The following CFTR variants were observed in gnomAD, a reference collection of about 807,000 sequenced individuals.
CFTR encodes cystic fibrosis transmembrane conductance regulator.
A neutral mutation model predicts 171.6 loss-of-function variants in CFTR; 181 were observed. That is an observed-to-expected ratio of 1.05 (90% CI 0.93 to 1.19). The LOEUF (loss-of-function observed/expected upper bound fraction) is 1.19. Among genes scored for constraint, CFTR ranks in the 50% most tolerant of loss-of-function variants. The pLI, the probability that CFTR is intolerant of heterozygous loss-of-function variation, is 0.00. For missense variants in CFTR, 1,968 were observed against 1,734.7 expected (o/e 1.13, Z -2.39); for synonymous variants, 583 against 608.0 (o/e 0.96, Z 0.60).
chr7:117,597,130 A>G (rs903573503), intron 15 of CFTR, among the ~76,000 whole-genome samples: 1 of 152,188 alleles, frequency 6.6e-6, no homozygotes, highest in Non-Finnish European at 1.5e-5. Context: ...GTTCTTTGCA[A>G]TAAATTTTGC....
chr7:117,591,205 A>T (rs1330529077), intron 13 of CFTR, among the ~76,000 whole-genome samples: 2 of 152,100 alleles, frequency 1.3e-5, no homozygotes, highest in Admixed American at 1.3e-4. Context: ...CAACCCTGAG[A>T]TTGTGAAAAG....
intron 9 of CFTR, among the ~76,000 whole-genome samples, chr7:117,543,826 T>A (rs1232250127): frequency 6.6e-6 from 1 of 152,224 alleles, no homozygotes; most frequent in East Asian, 1.9e-4. Context: ...TGTTTGCGAC[T>A]TCAACGTCCA....
chr7:117,617,280 CT>C (rs753988390), intron 21 of CFTR, among the ~76,000 whole-genome samples: 847 of 140,720 alleles, frequency 6.0e-3, no homozygotes, highest in Non-Finnish European at 6.2e-3. Context: ...GACAGTGTGG[CT>C]TTTTTTTTTT....
intron 11 of CFTR, among the ~76,000 whole-genome samples, chr7:117,569,803 C>A (rs944255082): frequency 6.6e-6 from 1 of 151,998 alleles, no homozygotes; most frequent in African/African-American, 2.4e-5. Context: ...GGAAGTTGAG[C>A]GAATTCATAT....
At chr7:117,589,773 G>T (rs547078948) in intron 12 of CFTR, among the ~76,000 whole-genome samples, 2 of 152,092 alleles carry the variant, frequency 1.3e-5, no homozygotes, top group South Asian at 4.2e-4. Flanking sequence ...CTATCAATTT[G>T]TTGATAGTGG....
At chr7:117,610,450 C>A in intron 18 of CFTR, 69 bp from the exon 19 acceptor site, 10 of 1,287,630 alleles carry the variant, frequency 7.8e-6, no homozygotes, top group Non-Finnish European at 1.1e-5. Flanking sequence ...AAATAAATCA[C>A]TGACACACTT....
intron 1 of CFTR, among the ~76,000 whole-genome samples, chr7:117,498,084 C>T: frequency 6.6e-6 from 1 of 151,956 alleles, no homozygotes; most frequent in Non-Finnish European, 1.5e-5. Flanking sequence ...AATTAATTTC[C>T]ATTAGGGTGC....
chr7:117,643,948 C>G, intron 23 of CFTR, among the ~76,000 whole-genome samples: 1 of 152,058 alleles, frequency 6.6e-6, no homozygotes, highest in East Asian at 1.9e-4. Flanking sequence ...TGTTTTATTG[C>G]ATGTTTGACG....
chr7:117,543,515 A>G (rs573163312), intron 9 of CFTR, among the ~76,000 whole-genome samples: 1 of 152,330 alleles, frequency 6.6e-6, no homozygotes, highest in South Asian at 2.1e-4. Context: ...GCACTAGGAT[A>G]AGCACTTTAT....
intron 11 of CFTR, among the ~76,000 whole-genome samples, chr7:117,560,548 AG>A (rs1209142752): frequency 6.6e-6 from 1 of 152,114 alleles, no homozygotes; most frequent in Non-Finnish European, 1.5e-5. Flanking sequence ...AAAATGGAAA[AG>A]GGCAAACCGT....
chr7:117,513,950 G>A (rs2116648088), intron 3 of CFTR, among the ~76,000 whole-genome samples: 1 of 152,194 alleles, frequency 6.6e-6, no homozygotes, highest in Non-Finnish European at 1.5e-5. Context: ...TTCCCATGAT[G>A]CAACTCTGCC....
intron 11 of CFTR, among the ~76,000 whole-genome samples, chr7:117,562,957 A>G (rs1791539304): frequency 6.6e-6 from 1 of 152,188 alleles, no homozygotes; most frequent in Non-Finnish European, 1.5e-5. Context: ...ATAAGCCAGA[A>G]GGCCATGTCA....
chr7:117,566,608 A>G (rs998682513), intron 11 of CFTR, among the ~76,000 whole-genome samples: 2 of 152,038 alleles, frequency 1.3e-5, no homozygotes, highest in African/African-American at 4.8e-5. Flanking sequence ...TTAAAAAAAA[A>G]AAAAAACTAT....
chr7:117,540,408 C>A, intron 8 of CFTR, 62 bp downstream of exon 8: 1 of 1,482,964 alleles, frequency 6.7e-7, no homozygotes, highest in Non-Finnish European at 9.2e-7. Flanking sequence ...TAGATCAGTT[C>A]TAATGAACTT....
At chr7:117,658,327 G>A (rs1247647504) in intron 24 of CFTR, among the ~76,000 whole-genome samples, 1 of 152,140 alleles carries the variant, frequency 6.6e-6, no homozygotes, top group Non-Finnish European at 1.5e-5. Context: ...AATGGGCCCA[G>A]CGCAGTGCCT....
intron 21 of CFTR, among the ~76,000 whole-genome samples, chr7:117,617,442 C>A (rs1792508772): frequency 6.6e-6 from 1 of 152,136 alleles, no homozygotes; most frequent in Non-Finnish European, 1.5e-5. Flanking sequence ...GTACAACAAC[C>A]TTTTTTATTA....
In CFTR at chr7:117,539,959, C is replaced by A. The variant is rs1285604837; in HGVS notation, c.870-141C>A. ...AGATTAAATAACATGCCCAAGGTCA[C>A]ACAGGTCATATGATGTGGAGCCAGG... On this transcript the variant is annotated intron_variant, in intron 7 of 26. Transcript: ENST00000003084. The A allele has an allele frequency of 1.8e-5, 12 of 679,988 alleles. No individual in the cohort carries two copies. The East Asian group carries it at 3.0e-4, about 17-fold the overall frequency. The allele number at this position is 679,988 out of a possible 1,614,324, so 42.1% of individuals were successfully genotyped here.
In CFTR at chr7:117,592,076, C is replaced by A. The variant is rs397508320; in HGVS notation, c.1909C>A (p.Gln637Lys). Residue 637 changes from glutamine to lysine, a missense_variant, in exon 14 of 27, where the codon CAG (glutamine) becomes AAG (lysine). Coordinates refer to ENST00000003084, the MANE Select transcript of CFTR (RefSeq NM_000492.4). ...GACATTTTCAGAACTCCAAAATCTA[C>A]AGCCAGACTTTAGCTCAAAACTCAT... ...YGTFSELQNL[Q>K]PDFSSKLMGC... 2.5e-6 allele frequency: 4 copies of A among 1,612,422 alleles called. No homozygotes were observed. Among genetic ancestry groups the A allele is most frequent in the Non-Finnish European group, 3.4e-6 (4 of 1,179,342 alleles).
chr7:117,598,176 A>T (rs1766662318), intron 15 of CFTR, among the ~76,000 whole-genome samples: 1 of 152,200 alleles, frequency 6.6e-6, no homozygotes, highest in African/African-American at 2.4e-5. Context: ...CGGGTAGTTG[A>T]TTAAATAAAA....
Sources: allele counts gnomAD v4.1 joint callset (sites outside exome capture counted in the v4.1 genomes callset), GRCh38; gene constraint gnomAD v4.1.1; transcripts MANE v1.5; gene names NCBI Gene and HGNC (gene_info 2026-07-23, HGNC 2026-07-21).